ADAP1: variants seen among roughly 807,000 people sequenced by gnomAD.
ADAP1 encodes the protein arf-GAP with dual PH domain-containing protein 1.
In ADAP1, 31 loss-of-function variants were observed where a neutral mutation model predicts 54.9. The observed-to-expected ratio is 0.56, with a 90% CI of 0.42 to 0.76. The LOEUF is 0.76. ADAP1 is among the 30% of genes least tolerant of loss of function. The pLI is 0.00. For synonymous variants in ADAP1, 313 were observed against 202.6 expected (o/e 1.55, Z -4.63); for missense variants, 535 against 512.4 (o/e 1.04, Z -0.42).
At chr7:913,589 A>G (rs1428353316) in intron 4 of ADAP1, among the ~76,000 whole-genome samples, 1 of 152,014 alleles carries the variant, frequency 6.6e-6, no homozygotes, top group Non-Finnish European at 1.5e-5. Flanking sequence ...TAATCCCCTT[A>G]TACCATCTTC....
At chr7:900,705 G>C (rs565473805) in intron 6 of ADAP1, 89 bp from the exon 7 acceptor site, 1 of 1,151,374 alleles carries the variant, frequency 8.7e-7, no homozygotes, top group South Asian at 1.3e-5. Context: ...CAGAGGGGCC[G>C]CTTCCCCCAG....
intron 4 of ADAP1, among the ~76,000 whole-genome samples, chr7:912,444 T>A (rs1583147925): frequency 1.3e-5 from 2 of 151,428 alleles, no homozygotes; most frequent in South Asian, 4.2e-4. Flanking sequence ...GGGGGAGGGG[T>A]GCGGCGCGTC....
intron 1 of ADAP1, among the ~76,000 whole-genome samples, chr7:942,357 AG>A (rs1476826256): frequency 2.3e-5 from 3 of 132,820 alleles, no homozygotes; most frequent in Non-Finnish European, 3.2e-5. Flanking sequence ...AGAGAGGAAG[AG>A]GAAGAGAGAG....
chr7:935,132 G>A, intron 2 of ADAP1: 1 of 658,608 alleles, frequency 1.5e-6, no homozygotes, highest in East Asian at 3.2e-5. Context: ...TCGCTCCCTG[G>A]CCCACCACAC....
At chr7:900,888 CGGG>C (rs1844773904) in intron 6 of ADAP1, 1 of 594,288 alleles carries the variant, frequency 1.7e-6, no homozygotes, top group African/African-American at 2.0e-5. Flanking sequence ...GCCGAAGGGC[CGGG>C]CCGGGCCGGG....
At chr7:908,488 G>A (rs1179434720) in intron 4 of ADAP1, among the ~76,000 whole-genome samples, 1 of 152,164 alleles carries the variant, frequency 6.6e-6, no homozygotes. Flanking sequence ...TGCTGCCCCA[G>A]CCCCGTGCGC....
At chr7:900,469 TCCGTCCACCCCCCAC>T (rs1844734714) in intron 7 of ADAP1, 49 bp downstream of exon 7, 2 of 1,493,390 alleles carry the variant, frequency 1.3e-6, no homozygotes, top group Admixed American at 3.9e-5. Context: ...GCACGAGGGC[TCCGTCCACCCCCCAC>T]CCCACCACCC....
intron 4 of ADAP1, among the ~76,000 whole-genome samples, chr7:908,316 G>A (rs973237453): frequency 2.6e-5 from 4 of 152,154 alleles, no homozygotes; most frequent in Admixed American, 6.5e-5. Context: ...AGAGACCAGG[G>A]GCTATTTTCT....
chr7:942,607 G>T (rs1583184660), intron 1 of ADAP1, among the ~76,000 whole-genome samples: 5 of 58,178 alleles, frequency 8.6e-5, no homozygotes, highest in East Asian at 9.0e-4. Context: ...GGAGAGAGGA[G>T]GAGGAAGGGA....
At chr7:910,287 C>T (rs1247234133) in intron 4 of ADAP1, among the ~76,000 whole-genome samples, 9 of 151,380 alleles carry the variant, frequency 5.9e-5, no homozygotes, top group Admixed American at 5.9e-4. Context: ...TTTTTTTTCC[C>T]CACCCAGGCT....
chr7:920,115 T>G lies in ADAP1; in HGVS notation c.306-65A>C. On this transcript the variant is annotated intron_variant, in intron 3 of 10. Transcript: ENST00000265846. The surrounding 1 kb of genome is among the most constrained non-coding windows in gnomAD (Gnocchi z 4.5). ...GCCTCCGACCCAGCACACGCCGCTC[T>G]CTGGCCCGGACCCTGGACATCTCAA... 6.8e-7 allele frequency: 1 copy of G among 1,476,644 alleles called. No homozygotes were observed. Among genetic ancestry groups the G allele is most frequent in the Non-Finnish European group, 9.3e-7 (1 of 1,078,142 alleles). The allele number at this position is 1,476,644 out of a possible 1,614,324, so 91.5% of individuals were successfully genotyped here.
chr7:908,962 G>A (rs1562917685), intron 4 of ADAP1, among the ~76,000 whole-genome samples: 1 of 152,166 alleles, frequency 6.6e-6, no homozygotes, highest in African/African-American at 2.4e-5. Context: ...GGCTCCCTAG[G>A]CCACAGGGTG....
chr7:936,802 G>A (rs978437561), intron 1 of ADAP1, among the ~76,000 whole-genome samples: 9 of 152,362 alleles, frequency 5.9e-5, no homozygotes, highest in Non-Finnish European at 1.2e-4. Context: ...AAGCAGGTGC[G>A]GCTGTGGACC....
chr7:908,048 G>T (rs550496926), intron 4 of ADAP1, among the ~76,000 whole-genome samples: 11 of 152,302 alleles, frequency 7.2e-5, no homozygotes, highest in Middle Eastern at 3.4e-3. Flanking sequence ...ACTTCAGAGA[G>T]CACTTGCTTG....
chr7:948,184 C>T (rs1349125926), intron 1 of ADAP1, among the ~76,000 whole-genome samples: 1 of 151,930 alleles, frequency 6.6e-6, no homozygotes, highest in Admixed American at 6.6e-5. Context: ...AGGACCTGAC[C>T]CAGCCATGTC....
chr7:949,468 G>A (rs905956182), intron 1 of ADAP1, among the ~76,000 whole-genome samples: 3 of 152,268 alleles, frequency 2.0e-5, no homozygotes, highest in East Asian at 1.9e-4. Context: ...AGTCTAAAAC[G>A]GCAGTGGCCT....
In ADAP1 at chr7:899,085, C is replaced by T. The variant is rs1844649060; in HGVS notation, c.1044G>A (p.Val348=). 6.2e-7 allele frequency: 1 copy of T among 1,608,240 alleles called. No homozygotes were observed. The highest frequency in any genetic ancestry group is 1.3e-5 in the African/African-American group (1 of 75,060). Residue 348 remains valine, a synonymous_variant, in exon 10 of 11, where the codon GTG becomes GTA. Coordinates refer to ENST00000265846, the MANE Select transcript of ADAP1 (RefSeq NM_006869.4). Reference sequence around the variant, plus strand: ...TGTCCACCGCCTTCTGGAAGGCCGCCACCCACTCCCTCTGGTCGGACTCCG... The same window carrying T: ...TGTCCACCGCCTTCTGGAAGGCCGCTACCCACTCCCTCTGGTCGGACTCCG... ...CETESDQREW[V]AAFQKAVDRP... is the part of the protein sequence containing the mutation.
chr7:912,435 G>A (rs955340579), intron 4 of ADAP1, among the ~76,000 whole-genome samples: 2 of 152,190 alleles, frequency 1.3e-5, no homozygotes, highest in African/African-American at 4.8e-5. Flanking sequence ...CCCACATCTG[G>A]GGGAGGGGTG....
intron 4 of ADAP1, chr7:905,611 A>T (rs2128096250): frequency 1.1e-5 from 2 of 183,892 alleles, no homozygotes; most frequent in East Asian, 1.3e-4. Context: ...GAGAAAGGAG[A>T]AAGGAGAAAG....
Sources: gnomAD v4.1 joint callset for allele counts (sites outside exome capture counted in the v4.1 genomes callset) on GRCh38, gnomAD v4.1.1 for gene constraint, Gnocchi (gnomAD v3.1) non-coding constraint, MANE v1.5 for transcripts, NCBI Gene and HGNC (gene_info 2026-07-23, HGNC 2026-07-21) for gene names.